The following WNT7B variants were observed in gnomAD, a reference collection of about 807,000 sequenced individuals.
WNT7B encodes the protein protein Wnt-7b.
Under a neutral mutation model 38.2 loss-of-function variants are expected in WNT7B, and 19 were observed. The ratio of observed to expected loss-of-function variants is 0.50; its 90% CI spans 0.35 to 0.73. The LOEUF (loss-of-function observed/expected upper bound fraction) is 0.73, where lower values mean the gene tolerates loss of function less well. Ranked by LOEUF, WNT7B falls within the 30% of genes least tolerant of loss-of-function variation. The pLI, the probability that WNT7B is intolerant of heterozygous loss-of-function variation, is 0.01. For missense variants in WNT7B, 423 were observed against 507.9 expected (o/e 0.83, Z 1.61); for synonymous variants, 243 against 209.3 (o/e 1.16, Z -1.39).
chr22:45,934,213 G>A (rs1421765898), intron 2 of WNT7B, among the ~76,000 whole-genome samples: 1 of 152,222 alleles, frequency 6.6e-6, no homozygotes, highest in African/African-American at 2.4e-5. Flanking sequence ...TGACGGAGGA[G>A]CAAAGTGCCT....
intron 2 of WNT7B, among the ~76,000 whole-genome samples, chr22:45,932,344 A>C (rs1188589078): frequency 6.6e-6 from 1 of 151,762 alleles, no homozygotes; most frequent in Non-Finnish European, 1.5e-5. Flanking sequence ...ATTCCCTCCC[A>C]CTTCATACCC....
chr22:45,967,926 C>T (rs1157064213), intron 1 of WNT7B, among the ~76,000 whole-genome samples: 1 of 152,154 alleles, frequency 6.6e-6, no homozygotes, highest in Non-Finnish European at 1.5e-5. Flanking sequence ...CCCCGTGGGA[C>T]TGCATAGGGG....
chr22:45,922,935 C>T lies in WNT7B; in HGVS notation c.971G>A (p.Cys324Tyr). 1 of 1,613,018 alleles carries T rather than the reference C, an allele frequency of 6.2e-7. No homozygotes were observed. Among genetic ancestry groups the T allele is most frequent in the Non-Finnish European group, 8.5e-7 (1 of 1,179,518 alleles). ...NTHQYTKVWQ[C>Y]NCKFHWCCFV... ...GCAGCACCAGTGGAATTTGCAGTTG[C>T]ACTGCCACACCTTGGTGTACTGGTG... Residue 324 changes from cysteine to tyrosine, a missense_variant, in exon 4 of 4, where the codon TGC (cysteine) becomes TAC (tyrosine). Physicochemically the swap from Cys to Tyr is radical, Grantham distance 194 (BLOSUM62 -2). Around this residue, in one of 3 missense-constraint regions of WNT7B, gnomAD observed 158 missense variants for 214.7 expected, o/e 0.74. Transcript: ENST00000339464.
intron 1 of WNT7B, among the ~76,000 whole-genome samples, chr22:45,960,953 G>T: frequency 6.6e-6 from 1 of 152,176 alleles, no homozygotes; most frequent in East Asian, 1.9e-4. Context: ...CTGTCAAATG[G>T]GGATAAGAAT....
chr22:45,960,916 G>A (rs1932182245), intron 1 of WNT7B, among the ~76,000 whole-genome samples: 1 of 152,190 alleles, frequency 6.6e-6, no homozygotes, highest in Admixed American at 6.5e-5. Flanking sequence ...ATGGGGCAGG[G>A]GCTGGTGGTG....
intron 2 of WNT7B, among the ~76,000 whole-genome samples, chr22:45,946,310 C>T (rs942153173): frequency 5.3e-5 from 8 of 152,196 alleles, no homozygotes; most frequent in African/African-American, 7.2e-5. Context: ...CCCTTCCCTG[C>T]GCTCACCTCC....
At chr22:45,969,909 G>T (rs1180914742) in intron 1 of WNT7B, among the ~76,000 whole-genome samples, 1 of 152,222 alleles carries the variant, frequency 6.6e-6, no homozygotes, top group East Asian at 1.9e-4. Context: ...AGTGCTGAGG[G>T]TCGGCTGACA....
chr22:45,935,329 C>T (rs1218328060), intron 2 of WNT7B, among the ~76,000 whole-genome samples: 1 of 152,216 alleles, frequency 6.6e-6, no homozygotes, highest in Non-Finnish European at 1.5e-5. Flanking sequence ...GCCCCAGAGG[C>T]CTGACCCCAC....
rs1019242024 is a variant in WNT7B, at chr22:45,931,461, G to A, written c.299-92C>T. ...GGTGCCGGGCCTCGATCCACCTGCTGTTGGCTGGTTGTGTGACCCTGGGCT... is the reference window on the plus strand; with the variant it reads ...GGTGCCGGGCCTCGATCCACCTGCTATTGGCTGGTTGTGTGACCCTGGGCT... On this transcript the variant is annotated intron_variant, in intron 2 of 3. Coordinates refer to ENST00000339464, the MANE Select transcript of WNT7B (RefSeq NM_058238.3). 6.5e-6 allele frequency: 9 copies of A among 1,394,584 alleles called. No homozygotes were observed. The African/African-American group carries it at 8.7e-5, about 13-fold the overall frequency. The allele number at this position is 1,394,584 out of a possible 1,614,324, so 86.4% of individuals were successfully genotyped here. A position where few individuals can be genotyped will look rare whatever the true frequency, so the allele number is the denominator to read the frequency against.
At chr22:45,927,448 A>C (rs1931122720) in intron 3 of WNT7B, 1 of 1,548,480 alleles carries the variant, frequency 6.5e-7, no homozygotes. Flanking sequence ...GGGGAACGGC[A>C]TAGCAACCCC....
intron 2 of WNT7B, among the ~76,000 whole-genome samples, chr22:45,946,518 G>T (rs1339320738): frequency 6.6e-6 from 1 of 152,206 alleles, no homozygotes; most frequent in Non-Finnish European, 1.5e-5. Context: ...CTCGGCTGGG[G>T]ACAGTCACCT....
chr22:45,962,806 C>T lies in WNT7B; in HGVS notation c.72-12660G>A, dbSNP rs578247864. 5.3e-4 allele frequency among the ~76,000 whole-genome samples: 81 copies of T among 152,348 alleles called. 1 individual carries two copies. Among genetic ancestry groups the T allele is most frequent in the African/African-American group, 1.7e-3 (72 of 41,586 alleles). ...GCCACAGATCTGTTGGACGCAGGGGCGCCTTGCAGGCCTGGGTGACCAGGA... is the reference window on the plus strand; with the variant it reads ...GCCACAGATCTGTTGGACGCAGGGGTGCCTTGCAGGCCTGGGTGACCAGGA... On this transcript the variant is annotated intron_variant, in intron 1 of 3. Coordinates refer to ENST00000339464, the MANE Select transcript of WNT7B (RefSeq NM_058238.3).
Position 45,976,939 on chromosome 22 carries a change from G to GCCGCCA in WNT7B, c.-191_-186dup, listed in dbSNP as rs1932565525. On this transcript the variant is annotated 5_prime_UTR_variant, in exon 1 of 4. Transcript: ENST00000339464. This position sits in a 1 kb window ranked among gnomAD's most constrained non-coding sequence, Gnocchi z 8.5. ...ACCATGGTGAGCCCGGGATGCCGCC[G>GCCGCCA]CCGCCACCGCCGCGTGAGCCCGGGG... is the stretch of plus-strand genomic sequence containing the variant. 1.0e-6 allele frequency: 1 copy of GCCGCCA among 988,730 alleles called. No individual in the cohort carries two copies. The highest frequency in any genetic ancestry group is 4.6e-5 in the South Asian group (1 of 21,886). The allele number at this position is 988,730 out of a possible 1,614,324, so 61.2% of individuals were successfully genotyped here.
chr22:45,927,046 A>C, intron 3 of WNT7B: 1 of 985,380 alleles, frequency 1.0e-6, no homozygotes, highest in Non-Finnish European at 1.2e-6. Flanking sequence ...TCACCAAGAG[A>C]GGTGCCCTCA....
chr22:45,949,443 C>T (rs762689628), intron 2 of WNT7B, among the ~76,000 whole-genome samples: 14 of 151,592 alleles, frequency 9.2e-5, no homozygotes, highest in South Asian at 2.1e-4. Context: ...TCGGAATCTA[C>T]GACATTCACA....
intron 3 of WNT7B, chr22:45,925,239 G>C (rs1324161167): frequency 1.0e-6 from 1 of 981,550 alleles, no homozygotes; most frequent in Non-Finnish European, 1.2e-6. Context: ...TCAGGTGGGT[G>C]CTGTGTGGGC....
intron 1 of WNT7B, among the ~76,000 whole-genome samples, chr22:45,969,672 C>A (rs1477359573): frequency 6.6e-6 from 1 of 152,222 alleles, no homozygotes; most frequent in Non-Finnish European, 1.5e-5. Flanking sequence ...GGGGCCCAGG[C>A]ATGCGTCTGG....
intron 1 of WNT7B, among the ~76,000 whole-genome samples, chr22:45,961,630 T>A (rs927534574): frequency 1.1e-4 from 3 of 28,110 alleles, no homozygotes; most frequent in Non-Finnish European, 2.3e-4. Context: ...AGGTGGGGGG[T>A]GGGCAAGGAC....
At chr22:45,927,845 G>A (rs1212525161) in intron 3 of WNT7B, among the ~76,000 whole-genome samples, 2 of 152,250 alleles carry the variant, frequency 1.3e-5, no homozygotes, top group East Asian at 1.9e-4. Context: ...GCGGTGAGCA[G>A]AGAGCAGGCC....
Sources: allele counts gnomAD v4.1 joint callset (sites outside exome capture counted in the v4.1 genomes callset), GRCh38; gene constraint gnomAD v4.1.1; regional missense constraint gnomAD v4.1.1; non-coding constraint Gnocchi (gnomAD v3.1); transcripts MANE v1.5; gene names NCBI Gene and HGNC (gene_info 2026-07-23, HGNC 2026-07-21).